TBC1D31: variants seen among roughly 807,000 people sequenced by gnomAD.
The protein encoded by TBC1D31 is WD repeat domain 67.
In TBC1D31, 99 loss-of-function variants were observed where a neutral mutation model predicts 132.9. The ratio of observed to expected loss-of-function variants is 0.74; its 90% CI spans 0.63 to 0.88. The LOEUF is 0.88. Among genes scored for constraint, TBC1D31 ranks in the 40% least tolerant of loss-of-function variants. TBC1D31 has a pLI of 0.00. For missense variants in TBC1D31, 1,134 were observed against 1,256.6 expected (o/e 0.90, Z 1.48); for synonymous variants, 385 against 419.4 (o/e 0.92, Z 1.00).
intron 10 of TBC1D31, among the ~76,000 whole-genome samples, chr8:123,115,940 A>ATGGACATCT (rs1818868991): frequency 1.3e-5 from 2 of 152,202 alleles, no homozygotes; most frequent in East Asian, 3.8e-4. Flanking sequence ...GGATTAGAGC[A>ATGGACATCT]TGGACATCTT....
intron 20 of TBC1D31, 88 bp downstream of exon 20, chr8:123,144,943 A>G: frequency 9.2e-7 from 1 of 1,089,334 alleles, no homozygotes. Context: ...TTTTTTTTTG[A>G]GATAGGGTCT....
intron 17 of TBC1D31, among the ~76,000 whole-genome samples, chr8:123,136,320 T>C (rs1308857601): frequency 2.6e-5 from 4 of 152,220 alleles, no homozygotes; most frequent in Non-Finnish European, 4.4e-5. Context: ...TTTTATGACA[T>C]TGATATTTTT....
intron 13 of TBC1D31, 70 bp from the exon 14 acceptor site, chr8:123,128,211 C>A: frequency 5.1e-6 from 4 of 778,296 alleles, no homozygotes; most frequent in South Asian, 1.9e-5. Context: ...TTTTTAAATT[C>A]TTGTTTTAAT....
intron 3 of TBC1D31, 52 bp downstream of exon 3, chr8:123,082,869 G>A (rs1271033363): frequency 8.1e-7 from 1 of 1,228,318 alleles, no homozygotes; most frequent in Non-Finnish European, 1.2e-6. Flanking sequence ...ATAAACTGAA[G>A]AACTGCAAGA....
At chr8:123,073,305 T>C in intron 1 of TBC1D31, 2 of 457,816 alleles carry the variant, frequency 4.4e-6, no homozygotes, top group Admixed American at 4.7e-5. Context: ...CTTGGATGTG[T>C]TTAGACGCAC....
rs150233130 is a variant in TBC1D31 at position 123,141,185 on chromosome 8, C to T, written c.2640+284C>T. Reference sequence around the variant, plus strand: ...AGGAGTAGTGACTTAGAAGAAAATACGAAGGAATAGTGACTTAAAAGAAAA... The same window carrying T: ...AGGAGTAGTGACTTAGAAGAAAATATGAAGGAATAGTGACTTAAAAGAAAA... On this transcript the variant is annotated intron_variant, in intron 18 of 21. Coordinates refer to ENST00000287380, the MANE Select transcript of TBC1D31 (RefSeq NM_145647.4). 3.6e-3 allele frequency among the ~76,000 whole-genome samples: 555 copies of T among 152,124 alleles called. 2 individuals carry two copies. The highest frequency in any genetic ancestry group is 0.01 in the Middle Eastern group (3 of 294).
At chr8:123,088,580 C>G (rs2130024611) in intron 4 of TBC1D31, among the ~76,000 whole-genome samples, 1 of 152,326 alleles carries the variant, frequency 6.6e-6, no homozygotes, top group African/African-American at 2.4e-5. Context: ...ACACAGCCCT[C>G]AGGAGAGCCT....
At chr8:123,147,164 GT>G (rs1554623973) in intron 20 of TBC1D31, among the ~76,000 whole-genome samples, 49 of 143,848 alleles carry the variant, frequency 3.4e-4, no homozygotes, top group South Asian at 3.0e-3. Flanking sequence ...ACTTACCCTT[GT>G]TTTTTTTTTT....
chr8:123,135,866 G>T (rs865930165), intron 17 of TBC1D31, among the ~76,000 whole-genome samples: 1 of 152,166 alleles, frequency 6.6e-6, no homozygotes, highest in African/African-American at 2.4e-5. Context: ...GAGGATAGTG[G>T]CAATCGAAGG....
At chr8:123,083,475 C>G (rs1232971548) in intron 3 of TBC1D31, 3 of 151,546 alleles carry the variant, frequency 2.0e-5, no homozygotes, top group African/African-American at 7.3e-5. Flanking sequence ...CCAGGTTGGT[C>G]TCGAACTTCT....
intron 12 of TBC1D31, 41 bp downstream of exon 12, chr8:123,126,230 G>A (rs1820018281): frequency 6.3e-7 from 1 of 1,580,856 alleles, no homozygotes; most frequent in African/African-American, 1.4e-5. Flanking sequence ...GCCTTATTTT[G>A]TAAGCTAACA....
chr8:123,082,207 T>G (rs1054266904), intron 2 of TBC1D31, among the ~76,000 whole-genome samples: 1 of 152,184 alleles, frequency 6.6e-6, no homozygotes, highest in Admixed American at 6.6e-5. Flanking sequence ...AGTACTCTAC[T>G]GAGCACTCAA....
At position 123,134,208 on chromosome 8, in the gene TBC1D31, T is replaced by C; in HGVS notation, c.2499+2T>C. On this transcript the variant is annotated splice_donor_variant, in intron 17 of 21. Transcript: ENST00000287380. LOFTEE classifies it high-confidence loss of function. ...TCACAAAAGAGACTTTATGAGAAGG[T>C]ATAATTCAGTTATTTCCAACATAAG... The C allele has an allele frequency of 6.2e-7, 1 of 1,612,054 alleles. No individual in the cohort carries two copies. The highest frequency in any genetic ancestry group is 8.5e-7 in the Non-Finnish European group (1 of 1,178,398).
rs1822831772 is a variant in TBC1D31, at chr8:123,152,005, G to A, written c.*66G>A. On this transcript the variant is annotated 3_prime_UTR_variant, in exon 22 of 22. Coordinates refer to ENST00000287380, the MANE Select transcript of TBC1D31 (RefSeq NM_145647.4). ...TTGCAATCAGTGACATTGATTTTTA[G>A]ATTATTTATTTAAAATTCCTATAAA... The A allele has an allele frequency of 2.3e-6, 3 of 1,314,072 alleles. No homozygotes were observed. The highest frequency in any genetic ancestry group is 3.0e-6 in the Non-Finnish European group (3 of 1,010,268). The allele number at this position is 1,314,072 out of a possible 1,614,324, so 81.4% of individuals were successfully genotyped here. A position where few individuals can be genotyped will look rare whatever the true frequency, so the allele number is the denominator to read the frequency against.
intron 6 of TBC1D31, among the ~76,000 whole-genome samples, chr8:123,099,048 C>T (rs962279459): frequency 6.6e-6 from 1 of 152,218 alleles, no homozygotes; most frequent in Non-Finnish European, 1.5e-5. Flanking sequence ...AGAGAACCTG[C>T]ACTTAGACAA....
intron 5 of TBC1D31, among the ~76,000 whole-genome samples, chr8:123,095,906 T>C (rs1163718011): frequency 6.6e-6 from 1 of 152,192 alleles, no homozygotes; most frequent in African/African-American, 2.4e-5. Context: ...AAAATAGATG[T>C]TAATTCCTCT....
chr8:123,128,058 A>G (rs1485786067), intron 13 of TBC1D31: 4 of 347,868 alleles, frequency 1.1e-5, no homozygotes, highest in Non-Finnish European at 2.0e-5. Flanking sequence ...AAAAGCCTTC[A>G]TTTTTTAATT....
chr8:123,077,618 G>A (rs541925957), intron 2 of TBC1D31, among the ~76,000 whole-genome samples: 1 of 149,970 alleles, frequency 6.7e-6, no homozygotes, highest in African/African-American at 2.5e-5. Context: ...TGCAAACTCC[G>A]CCTCCCAGGT....
intron 8 of TBC1D31, among the ~76,000 whole-genome samples, chr8:123,106,027 G>T (rs1817887237): frequency 6.6e-6 from 1 of 151,544 alleles, no homozygotes; most frequent in African/African-American, 2.4e-5. Flanking sequence ...AAAAGTAGTT[G>T]ATTTACATCC....
Sources: gnomAD v4.1 joint callset for allele counts (sites outside exome capture counted in the v4.1 genomes callset) on GRCh38, gnomAD v4.1.1 for gene constraint, MANE v1.5 for transcripts, NCBI Gene and HGNC (gene_info 2026-07-23, HGNC 2026-07-21) for gene names.